The following SLC16A9 variants were observed in gnomAD, a reference collection of about 807,000 sequenced individuals.
SLC16A9 encodes solute carrier family 16 member 9, also known as monocarboxylate transporter 9.
Under a neutral mutation model 44.3 loss-of-function variants are expected in SLC16A9, and 26 were observed. That is an observed-to-expected ratio of 0.59 (90% CI 0.43 to 0.81). The LOEUF (loss-of-function observed/expected upper bound fraction) is 0.81, where lower values mean the gene tolerates loss of function less well. SLC16A9 is among the 40% of genes least tolerant of loss of function. The pLI is 0.00. For synonymous variants in SLC16A9, 230 were observed against 225.1 expected (o/e 1.02, Z -0.19); for missense variants, 559 against 595.8 (o/e 0.94, Z 0.64).
intron 4 of SLC16A9, among the ~76,000 whole-genome samples, 182 bp downstream of exon 4, chr10:59,664,045 A>G (rs1465906088): frequency 2.7e-5 from 4 of 150,936 alleles, no homozygotes; most frequent in African/African-American, 9.7e-5. Flanking sequence ...AAAAAAAAAA[A>G]AAAGAAAGCT....
intron 2 of SLC16A9, among the ~76,000 whole-genome samples, 174 bp from the exon 3 acceptor site, chr10:59,673,087 C>A (rs1839788954): frequency 6.6e-6 from 1 of 152,142 alleles, no homozygotes; most frequent in Non-Finnish European, 1.5e-5. Flanking sequence ...AATCTTACTG[C>A]AGCCCTGGGA....
chr10:59,707,275 G>GGA lies in SLC16A9; in HGVS notation c.-37+2203_-37+2204insTC, dbSNP rs1840661084. On this transcript the variant is annotated intron_variant, in intron 1 of 5. Transcript: ENST00000395348. ...GAGGGCAGAGGAGGGGAGGGGAGAG[G>GGA]AGGGAAGGGAAGGGAAGGGAAGGGA... Among the ~76,000 whole-genome samples, 74 of 62,694 alleles carry GGA rather than the reference G, an allele frequency of 1.2e-3. 2 individuals carry two copies. The highest frequency in any genetic ancestry group is 5.2e-3 in the African/African-American group (70 of 13,494). The allele number at this position is 62,694 out of a possible 152,430, so 41.1% of individuals were successfully genotyped here. A position where few individuals can be genotyped will look rare whatever the true frequency, so the allele number is the denominator to read the frequency against.
In SLC16A9 at chr10:59,664,403, G is replaced by A. The variant is rs185422847; in HGVS notation, c.341-81C>T. 6.4e-5 allele frequency: 57 copies of A among 884,458 alleles called. No individual in the cohort carries two copies. In the East Asian group the frequency reaches 1.1e-3, roughly 17 times the overall value. The allele number at this position is 884,458 out of a possible 1,614,324, so 54.8% of individuals were successfully genotyped here. ...GAAAAAAGGAAAAACAAGTATGTCC[G>A]ATAAGACATTCCATTACTCACTGGC... On this transcript the variant is annotated intron_variant, in intron 3 of 5. Transcript: ENST00000395348.
rs146579759 is a variant in SLC16A9 at position 59,705,585 on chromosome 10, G to T, written c.-37+3894C>A. ...GACTATACACTGCATATTGCCCCAG[G>T]AAAGTGGAAGTGTTTTTCTATCGGA... On this transcript the variant is annotated intron_variant, in intron 1 of 5. Coordinates refer to ENST00000395348, the MANE Select transcript of SLC16A9 (RefSeq NM_194298.3). Among the ~76,000 whole-genome samples the T allele has an allele frequency of 2.0e-5, 3 of 152,294 alleles. No individual in the cohort carries two copies. The East Asian group carries it at 5.8e-4, about 29-fold the overall frequency.
intron 3 of SLC16A9, among the ~76,000 whole-genome samples, chr10:59,669,611 G>A (rs1267932848): frequency 6.6e-6 from 1 of 152,050 alleles, no homozygotes; most frequent in Non-Finnish European, 1.5e-5. Context: ...CCAAGACCAC[G>A]GATCACCTGA....
Position 59,677,140 on chromosome 10 carries a change from C to T in SLC16A9, c.197-4227G>A, listed in dbSNP as rs1051236316. ...TTTTGCCTTTGGTGAAAGTTTTTCC[C>T]GAACTTACCACTGCCTGCATATTAG... On this transcript the variant is annotated intron_variant, in intron 2 of 5. Coordinates refer to ENST00000395348, the MANE Select transcript of SLC16A9 (RefSeq NM_194298.3). Among the ~76,000 whole-genome samples the T allele has an allele frequency of 2.6e-5, 4 of 151,422 alleles. 1 individual carries two copies. The highest frequency in any genetic ancestry group is 4.4e-5 in the Non-Finnish European group (3 of 67,936).
At chr10:59,674,216 A>G (rs553869508) in intron 2 of SLC16A9, among the ~76,000 whole-genome samples, 2 of 152,316 alleles carry the variant, frequency 1.3e-5, no homozygotes, top group Non-Finnish European at 2.9e-5. Flanking sequence ...TCAGAGAAAC[A>G]ATGGAATCCA....
At chr10:59,674,608 A>G (rs1353804363) in intron 2 of SLC16A9, among the ~76,000 whole-genome samples, 1 of 152,256 alleles carries the variant, frequency 6.6e-6, no homozygotes, top group Non-Finnish European at 1.5e-5. Context: ...CTTCAAAAAT[A>G]GAAACAGTTT....
intron 1 of SLC16A9, among the ~76,000 whole-genome samples, chr10:59,690,958 G>T (rs533407625): frequency 1.3e-5 from 2 of 152,174 alleles, no homozygotes; most frequent in East Asian, 1.9e-4. Flanking sequence ...GGTGGCACGC[G>T]CCTGTAATCC....
chr10:59,671,752 G>T (rs982980289), intron 3 of SLC16A9, among the ~76,000 whole-genome samples: 6 of 152,102 alleles, frequency 3.9e-5, no homozygotes, highest in African/African-American at 1.4e-4. Flanking sequence ...CATATAAATG[G>T]ACTACTGAGT....
chr10:59,653,444 A>AAAAAAAAAAAAC (rs1564693243), intron 5 of SLC16A9, among the ~76,000 whole-genome samples: 2 of 149,022 alleles, frequency 1.3e-5, no homozygotes, highest in African/African-American at 2.5e-5. Context: ...AAAAAAAAAA[A>AAAAAAAAAAAAC]AGCAGGCATT....
chr10:59,652,271 C>T lies in SLC16A9; in HGVS notation c.*501G>A, dbSNP rs1472414559. On this transcript the variant is annotated 3_prime_UTR_variant, in exon 6 of 6. Coordinates refer to ENST00000395348, the MANE Select transcript of SLC16A9 (RefSeq NM_194298.3). ...GCAATTCTTAAGGCTGTTTTAGTCG[C>T]CACTTTAATTTCCTGGCTGGCTTGA... 2.0e-5 allele frequency: 3 copies of T among 152,206 alleles called. No individual in the cohort carries two copies. Among genetic ancestry groups the T allele is most frequent in the Admixed American group, 2.0e-4 (3 of 15,278 alleles). The allele number at this position is 152,206 out of a possible 1,614,324, so 9.4% of individuals were successfully genotyped here.
rs150990950 is a variant in SLC16A9, at chr10:59,673,476, G to A, written c.197-563C>T. On this transcript the variant is annotated intron_variant, in intron 2 of 5. Transcript: ENST00000395348. ...CTTAATGTACTAGAAATAAAAGGAC[G>A]TTAAGGGTTATTTAGCCCAACAGTC... Among the ~76,000 whole-genome samples, 18 of 152,312 alleles carry A rather than the reference G, an allele frequency of 1.2e-4. No homozygotes were observed. The East Asian group carries it at 2.5e-3, about 21-fold the overall frequency.
chr10:59,662,058 G>T (rs12261166), intron 4 of SLC16A9, among the ~76,000 whole-genome samples: 4,479 of 152,088 alleles, frequency 0.029, 208 homozygotes, highest in African/African-American at 0.1. Context: ...GCAATACCAT[G>T]CAGGACATAG....
At chr10:59,694,621 T>A (rs1435319579) in intron 1 of SLC16A9, among the ~76,000 whole-genome samples, 1 of 150,838 alleles carries the variant, frequency 6.6e-6, no homozygotes, top group East Asian at 2.0e-4. Context: ...GCCAACATAG[T>A]GAAACCCCAT....
At chr10:59,658,656 C>G (rs566376059) in intron 4 of SLC16A9, among the ~76,000 whole-genome samples, 1 of 152,322 alleles carries the variant, frequency 6.6e-6, no homozygotes, top group African/African-American at 2.4e-5. Context: ...GTGGAAGATC[C>G]TCACAGGTTC....
chr10:59,696,688 G>A (rs1840385916), intron 1 of SLC16A9, among the ~76,000 whole-genome samples: 1 of 151,168 alleles, frequency 6.6e-6, no homozygotes, highest in South Asian at 2.1e-4. Context: ...CCCATCATCT[G>A]AGATGTGGGG....
chr10:59,695,524 CATGAGACTTTTCATAA>C (rs1266704252), intron 1 of SLC16A9, among the ~76,000 whole-genome samples: 1 of 152,130 alleles, frequency 6.6e-6, no homozygotes, highest in Admixed American at 6.5e-5. Context: ...ACAGCAGCTG[CATGAGACTTTTCATAA>C]ATACGAGCCC....
intron 1 of SLC16A9, among the ~76,000 whole-genome samples, chr10:59,692,971 A>C (rs1265631526): frequency 3.3e-5 from 5 of 152,232 alleles, no homozygotes; most frequent in Admixed American, 2.6e-4. Flanking sequence ...AATACAAATT[A>C]ATTACATTTC....
Sources: gnomAD v4.1 joint callset for allele counts (sites outside exome capture counted in the v4.1 genomes callset) on GRCh38, gnomAD v4.1.1 for gene constraint, MANE v1.5 for transcripts, NCBI Gene and HGNC (gene_info 2026-07-23, HGNC 2026-07-21) for gene names.